Variants in PIP4K2A observed in about 807,000 individuals in gnomAD.
The protein encoded by PIP4K2A is phosphatidylinositol 5-phosphate 4-kinase type-2 alpha.
In PIP4K2A, 14 loss-of-function variants were observed where a neutral mutation model predicts 42.9. The observed-to-expected ratio is 0.33, with a 90% CI of 0.22 to 0.51. The LOEUF is 0.51. PIP4K2A is among the 20% of genes least tolerant of loss of function. The pLI, the probability that PIP4K2A is intolerant of heterozygous loss-of-function variation, is 0.97. For synonymous variants in PIP4K2A, 192 were observed against 192.2 expected (o/e 1.00, Z 0.01); for missense variants, 434 against 519.8 (o/e 0.83, Z 1.61).
intron 1 of PIP4K2A, among the ~76,000 whole-genome samples, chr10:22,624,581 T>C (rs1458351978): frequency 6.6e-6 from 1 of 152,180 alleles, no homozygotes; most frequent in Non-Finnish European, 1.5e-5. Context: ...TTGTGGAATT[T>C]AGGAGATGAG....
chr10:22,585,549 C>A (rs904026689), intron 4 of PIP4K2A, among the ~76,000 whole-genome samples: 34 of 152,012 alleles, frequency 2.2e-4, no homozygotes, highest in African/African-American at 7.7e-4. Context: ...CAGCTTCCCT[C>A]GGGTTACATT....
At chr10:22,539,386 G>C (rs1836026261) in intron 9 of PIP4K2A, 1 of 152,670 alleles carries the variant, frequency 6.6e-6, no homozygotes, top group Non-Finnish European at 1.5e-5. Context: ...CTCCCATCAA[G>C]CAACATTAAC....
At chr10:22,554,649 G>T (rs879903836) in intron 6 of PIP4K2A, among the ~76,000 whole-genome samples, 2 of 152,256 alleles carry the variant, frequency 1.3e-5, no homozygotes, top group African/African-American at 4.8e-5. Flanking sequence ...CAACCTTTCT[G>T]AAGTGGCGGC....
chr10:22,621,808 G>T (rs552488082), intron 1 of PIP4K2A, among the ~76,000 whole-genome samples: 7 of 152,376 alleles, frequency 4.6e-5, no homozygotes, highest in African/African-American at 1.7e-4. Context: ...AGACTTCACA[G>T]TTGGGACCTT....
intron 1 of PIP4K2A, among the ~76,000 whole-genome samples, chr10:22,702,037 T>G (rs984386716): frequency 2.6e-5 from 4 of 152,250 alleles, no homozygotes; most frequent in African/African-American, 9.6e-5. Context: ...AATTCCAAGC[T>G]GTGAATTTAG....
At chr10:22,550,266 T>A (rs555267840) in intron 7 of PIP4K2A, among the ~76,000 whole-genome samples, 1 of 152,314 alleles carries the variant, frequency 6.6e-6, no homozygotes, top group African/African-American at 2.4e-5. Context: ...AAGACTGTAA[T>A]AGTGACTGAA....
At chr10:22,649,069 C>G (rs118043845) in intron 1 of PIP4K2A, among the ~76,000 whole-genome samples, 2 of 152,134 alleles carry the variant, frequency 1.3e-5, no homozygotes, top group South Asian at 4.1e-4. Context: ...ACTAATAGTT[C>G]AAATTTGAGT....
At chr10:22,592,833 T>C (rs1185959068) in intron 3 of PIP4K2A, among the ~76,000 whole-genome samples, 1 of 152,232 alleles carries the variant, frequency 6.6e-6, no homozygotes, top group Non-Finnish European at 1.5e-5. Context: ...ACTCCTTGCC[T>C]GGCCCTGCGG....
At chr10:22,704,963 C>T (rs1236481250) in intron 1 of PIP4K2A, among the ~76,000 whole-genome samples, 2 of 152,100 alleles carry the variant, frequency 1.3e-5, no homozygotes, top group African/African-American at 2.4e-5. Context: ...GCAGGGCAGC[C>T]CCTCCAGCAT....
intron 1 of PIP4K2A, among the ~76,000 whole-genome samples, chr10:22,683,733 C>A (rs755029270): frequency 6.6e-6 from 1 of 151,862 alleles, no homozygotes. Flanking sequence ...CAGACTGCAG[C>A]GTCCCTCCTG....
Position 22,591,662 on chromosome 10 carries a change from G to T in PIP4K2A, c.459C>A (p.Ala153=). ...IIKTITSEDV[A]EMHNILKKYH... ...ATTTCTTCAGGATGTTGTGCATTTC[G>T]GCCACGTCTTCACTGGTAATAGTCT... The change falls in exon 4 of 10, where the codon GCC becomes GCA. Residue 153 remains alanine, a synonymous_variant. Coordinates refer to ENST00000376573, the MANE Select transcript of PIP4K2A (RefSeq NM_005028.5). 3 of 1,609,360 alleles carry T rather than the reference G, an allele frequency of 1.9e-6. No individual in the cohort carries two copies. Among genetic ancestry groups the T allele is most frequent in the Non-Finnish European group, 1.7e-6 (2 of 1,177,530 alleles).
At chr10:22,607,339 G>A (rs149881694) in intron 3 of PIP4K2A, among the ~76,000 whole-genome samples, 18 of 152,248 alleles carry the variant, frequency 1.2e-4, no homozygotes, top group African/African-American at 3.1e-4. Flanking sequence ...ACATTTTTAC[G>A]TGGTGGGAAT....
intron 1 of PIP4K2A, among the ~76,000 whole-genome samples, chr10:22,701,989 G>A (rs1833723642): frequency 6.6e-6 from 1 of 152,178 alleles, no homozygotes; most frequent in South Asian, 2.1e-4. Flanking sequence ...CCACCCCAGG[G>A]ACTGCAGCCC....
intron 1 of PIP4K2A, among the ~76,000 whole-genome samples, chr10:22,680,906 T>A (rs1022718184): frequency 6.6e-6 from 1 of 152,170 alleles, no homozygotes; most frequent in Non-Finnish European, 1.5e-5. Context: ...TGGGTCTTCC[T>A]GCATGTAGCA....
At chr10:22,586,346 T>C (rs559695412) in intron 4 of PIP4K2A, among the ~76,000 whole-genome samples, 10 of 152,196 alleles carry the variant, frequency 6.6e-5, no homozygotes. Flanking sequence ...AAAATCTAAC[T>C]CCTCACGGCT....
chr10:22,714,041 G>C, intron 1 of PIP4K2A, 142 bp downstream of exon 1: 1 of 832,818 alleles, frequency 1.2e-6, no homozygotes, highest in South Asian at 1.8e-5. Context: ...GCGGGGCTGG[G>C]GGCTTCGAGG....
chr10:22,699,136 C>T (rs1347576424), intron 1 of PIP4K2A, among the ~76,000 whole-genome samples: 1 of 152,088 alleles, frequency 6.6e-6, no homozygotes, highest in Non-Finnish European at 1.5e-5. Flanking sequence ...TTTGGCGCAA[C>T]GTGCCAAAAA....
chr10:22,670,156 G>T (rs1839422619), intron 1 of PIP4K2A, among the ~76,000 whole-genome samples: 1 of 152,136 alleles, frequency 6.6e-6, no homozygotes, highest in South Asian at 2.1e-4. Context: ...ATGCAGGAGG[G>T]TCACTTGAGC....
chr10:22,625,365 A>C (rs912818225), intron 1 of PIP4K2A, among the ~76,000 whole-genome samples: 8 of 152,226 alleles, frequency 5.3e-5, no homozygotes, highest in Non-Finnish European at 1.2e-4. Flanking sequence ...GAAAATACTT[A>C]ATCTTACCTT....
Sources: gnomAD v4.1 joint callset for allele counts (sites outside exome capture counted in the v4.1 genomes callset) on GRCh38, gnomAD v4.1.1 for gene constraint, MANE v1.5 for transcripts, NCBI Gene and HGNC (gene_info 2026-07-23, HGNC 2026-07-21) for gene names.